NOBOX: variants seen among roughly 807,000 people sequenced by gnomAD.
NOBOX encodes NOBOX oogenesis homeobox.
Under a neutral mutation model 60.2 loss-of-function variants are expected in NOBOX, and 46 were observed. The observed-to-expected ratio is 0.76, with a 90% confidence interval of 0.60 to 0.98. The LOEUF is 0.98. NOBOX is among the 50% of genes least tolerant of loss of function. NOBOX has a pLI of 0.00. For missense variants in NOBOX, 880 were observed against 865.5 expected (o/e 1.02, Z -0.21); for synonymous variants, 360 against 346.3 (o/e 1.04, Z -0.44).
At position 144,399,083 on chromosome 7, in the gene NOBOX, G is replaced by T; in HGVS notation, c.1336C>A (p.Pro446Thr). 3 of 1,217,754 alleles carry T rather than the reference G, an allele frequency of 2.5e-6. No homozygotes were observed. Among genetic ancestry groups the T allele is most frequent in the Non-Finnish European group, 3.6e-6 (3 of 821,986 alleles). The allele number at this position is 1,217,754 out of a possible 1,614,324, so 75.4% of individuals were successfully genotyped here. A position where few individuals can be genotyped will look rare whatever the true frequency, so the allele number is the denominator to read the frequency against. ...GGAAGATCGGCCCTTCGCACAGGTG[G>T]GGGGCTGAAGAGTGGGGGGGTCACC... is the stretch of plus-strand genomic sequence containing the variant. Residue 446 changes from proline (P) to threonine (T), a missense_variant, in exon 8 of 10, where the codon CCA becomes ACA. Coordinates refer to ENST00000467773, the MANE Select transcript of NOBOX (RefSeq NM_001080413.3).
chr7:144,403,812 C>T, intron 2 of NOBOX, 119 bp from the exon 1 acceptor site: 1 of 421,674 alleles, frequency 2.4e-6, no homozygotes, highest in Non-Finnish European at 4.2e-6. Context: ...GAGCCGTAGC[C>T]CGAGGCTGCG....
chr7:144,406,692 T>C (rs1322763465), intron 1 of NOBOX, among the ~76,000 whole-genome samples: 1 of 152,252 alleles, frequency 6.6e-6, no homozygotes, highest in South Asian at 2.1e-4. Context: ...TTATCTAAGA[T>C]GTACATTGCA....
At position 144,402,748 on chromosome 7, in the gene NOBOX, A is replaced by ATTT. The variant is rs1218483822; in HGVS notation, c.211-801_211-799dup. Among the ~76,000 whole-genome samples, 174 of 93,422 alleles carry ATTT rather than the reference A, an allele frequency of 1.9e-3. 15 individuals carry two copies. Among genetic ancestry groups the ATTT allele is most frequent in the African/African-American group, 3.6e-3 (81 of 22,558 alleles). The allele number at this position is 93,422 out of a possible 152,430, so 61.3% of individuals were successfully genotyped here. On this transcript the variant is annotated intron_variant, in intron 2 of 9. Coordinates refer to ENST00000467773, the MANE Select transcript of NOBOX (RefSeq NM_001080413.3). ...CATGAGATAGGTCTTAAGGAATAAC[A>ATTT]TTTTTTTTTTTTTTTTTTTTTTTTT...
rs750447943 is a variant in NOBOX at position 144,400,142 on chromosome 7, C to T, written c.1015G>A (p.Glu339Lys). The stretch of plus-strand genomic sequence containing the variant: ...ACCGCTGAGCGCTCACTCTGCAATT[C>T]GAGTGTTTCAATGGTGGGCCCTCCG... The change falls in exon 5 of 10, where the codon GAA becomes AAA. Residue 339 changes from glutamate to lysine, a missense_variant. By Grantham distance (56) the Glu-to-Lys change is moderately conservative. Coordinates refer to ENST00000467773, the MANE Select transcript of NOBOX (RefSeq NM_001080413.3). The T allele has an allele frequency of 1.3e-5, 21 of 1,613,630 alleles. No homozygotes were observed. The highest frequency in any genetic ancestry group is 1.7e-5 in the Non-Finnish European group (20 of 1,179,904).
At position 144,399,089 on chromosome 7, in the gene NOBOX, T is replaced by A. The variant is rs1587089396; in HGVS notation, c.1330A>T (p.Ser444Cys). 5.8e-6 allele frequency: 5 copies of A among 864,720 alleles called. No homozygotes were observed. Among genetic ancestry groups the A allele is most frequent in the South Asian group, 3.0e-5 (2 of 67,126 alleles). 53.6% of individuals were successfully genotyped at this position (864,720 alleles called of 1,614,324 possible). A position where few individuals can be genotyped will look rare whatever the true frequency, so the allele number is the denominator to read the frequency against. ...TCGGCCCTTCGCACAGGTGGGGGGC[T>A]GAAGAGTGGGGGGGTCACCACCCTC... Residue 444 changes from serine to cysteine, a missense_variant, in exon 8 of 10, where the codon AGC (serine) becomes TGC (cysteine). Transcript: ENST00000467773.
At position 144,399,065 on chromosome 7, in the gene NOBOX, C is replaced by T. The variant is rs112190116; in HGVS notation, c.1354G>A (p.Asp452Asn). Residue 452 changes from aspartate (D) to asparagine (N), a missense_variant, in exon 8 of 10, where the codon GAT (aspartate) becomes AAT (asparagine). By Grantham distance (23) the Asp-to-Asn change is conservative (BLOSUM62 1). Coordinates refer to ENST00000467773, the MANE Select transcript of NOBOX (RefSeq NM_001080413.3). The stretch of plus-strand genomic sequence containing the variant: ...ACAGGGCCAAGGGGGAAAGGAAGAT[C>T]GGCCCTTCGCACAGGTGGGGGGCTG... 16,906 of 1,527,154 alleles carry T rather than the reference C, an allele frequency of 0.011. 120 individuals are homozygous for T. Among genetic ancestry groups the T allele is most frequent in the Non-Finnish European group, 0.012 (13,538 of 1,104,524 alleles). 94.6% of individuals were successfully genotyped at this position (1,527,154 alleles called of 1,614,324 possible).
intron 9 of NOBOX, 67 bp downstream of exon 7, chr7:144,398,215 C>T: frequency 7.1e-7 from 1 of 1,412,138 alleles, no homozygotes; most frequent in Non-Finnish European, 9.7e-7. Flanking sequence ...CTCCAGATAA[C>T]TTGGCTCTTT....
At chr7:144,400,975 T>C (rs1563128783) in intron 4 of NOBOX, 71 bp downstream of exon 2, 12 of 1,325,828 alleles carry the variant, frequency 9.1e-6, no homozygotes, top group Non-Finnish European at 1.2e-5. Flanking sequence ...TGGGGGTAGA[T>C]TCTTCACACA....
rs760675411 is a variant in NOBOX, at chr7:144,401,187, A to G, written c.703T>C (p.Cys235Arg). ...TGGCAGGGCCCCCGGCCTGACCCACAGGGCACTGGGTTGTGTGTGGCACGG... is the reference window on the plus strand; with the variant it reads ...TGGCAGGGCCCCCGGCCTGACCCACGGGGCACTGGGTTGTGTGTGGCACGG... The change falls in exon 4 of 10, where the codon TGT becomes CGT. Residue 235 changes from cysteine (C) to arginine (R), a missense_variant. Cys to Arg is a radical substitution (Grantham distance 180, BLOSUM62 -3). Transcript: ENST00000467773. This position sits in a 1 kb window ranked among gnomAD's most constrained non-coding sequence, Gnocchi z 4.2. 3.7e-6 allele frequency: 6 copies of G among 1,613,488 alleles called. No individual in the cohort carries two copies. The East Asian group carries it at 1.3e-4, about 36-fold the overall frequency.
chr7:144,404,782 G>A, intron 1 of NOBOX: 1 of 1,291,306 alleles, frequency 7.7e-7, no homozygotes, highest in Non-Finnish European at 1.1e-6. Context: ...TCACAGGGGT[G>A]CAGCCTTATG....
chr7:144,404,719 T>C, intron 1 of NOBOX: 1 of 1,606,230 alleles, frequency 6.2e-7, no homozygotes, highest in Non-Finnish European at 8.5e-7. Flanking sequence ...TCCATCCATT[T>C]GGTGTTTCGA....
chr7:144,402,267 C>T (rs142865737), intron 2 of NOBOX, among the ~76,000 whole-genome samples: 39 of 147,380 alleles, frequency 2.6e-4, no homozygotes, highest in Non-Finnish European at 4.9e-4. Context: ...ACCTCTCTTT[C>T]GAGTAAGGAA....
Position 144,399,797 on chromosome 7 carries a change from C to G in NOBOX, c.1114G>C (p.Asp372His), listed in dbSNP as rs576576562. 8.7e-6 allele frequency: 14 copies of G among 1,612,980 alleles called. No individual in the cohort carries two copies. The African/African-American group carries it at 1.7e-4, about 20-fold the overall frequency. Reference sequence around the variant, plus strand: ...GCAGGGCCAGGGGCTGCAGGATTGTCCTTGCTTTCTTTCCCATTCAGTTTC... The same window carrying G: ...GCAGGGCCAGGGGCTGCAGGATTGTGCTTGCTTTCTTTCCCATTCAGTTTC... Residue 372 changes from aspartate to histidine, a missense_variant, in exon 6 of 10, where the codon GAC becomes CAC. Transcript: ENST00000467773.
Position 144,398,378 on chromosome 7 carries a change from TAA to T in NOBOX, c.1676_1677del (p.Phe559TyrfsTer39), listed in dbSNP as rs1175292436. On this transcript the variant is annotated frameshift_variant, in exon 9 of 10. Coordinates refer to ENST00000467773, the MANE Select transcript of NOBOX (RefSeq NM_001080413.3). LOFTEE classifies it high-confidence loss of function. ...CCCCCGCTGGGGCCACAGGGAAACATAAAGAGAGAGTCTTCGGGCGGTGGAAG... is the reference window on the plus strand; with the variant it reads ...CCCCCGCTGGGGCCACAGGGAAACATAGAGAGAGTCTTCGGGCGGTGGAAG... The T allele has an allele frequency of 2.0e-6, 3 of 1,536,952 alleles. No homozygotes were observed. The highest frequency in any genetic ancestry group is 1.4e-5 in the African/African-American group (1 of 72,998).
At chr7:144,400,380 G>T in intron 4 of NOBOX, 68 bp from the exon 3 acceptor site, 1 of 1,418,526 alleles carries the variant, frequency 7.0e-7, no homozygotes, top group Non-Finnish European at 9.9e-7. Flanking sequence ...AGAAAGAGAG[G>T]TGCTCACCAA....
intron 1 of NOBOX, among the ~76,000 whole-genome samples, chr7:144,407,713 G>T (rs1182534671): frequency 6.6e-6 from 1 of 152,250 alleles, no homozygotes; most frequent in African/African-American, 2.4e-5. Flanking sequence ...ATGGTTTCAG[G>T]TTGCCTGTGA....
Position 144,399,769 on chromosome 7 carries a change from C to A in NOBOX, c.1142G>T (p.Ser381Ile). 6.2e-7 allele frequency: 1 copy of A among 1,611,228 alleles called. No homozygotes were observed. Among genetic ancestry groups the A allele is most frequent in the Middle Eastern group, 1.7e-4 (1 of 6,060 alleles). The change falls in exon 6 of 10, where the codon AGC (serine) becomes ATC (isoleucine). Residue 381 changes from serine (S) to isoleucine (I), a missense_variant. Coordinates refer to ENST00000467773, the MANE Select transcript of NOBOX (RefSeq NM_001080413.3). ...GAAGAATTCTGACCTGCATTGACTGCTGGCAGGGCCAGGGGCTGCAGGATT... is the reference window on the plus strand; with the variant it reads ...GAAGAATTCTGACCTGCATTGACTGATGGCAGGGCCAGGGGCTGCAGGATT...
chr7:144,409,968 C>G (rs1176262458), intron 1 of NOBOX, among the ~76,000 whole-genome samples: 1 of 152,202 alleles, frequency 6.6e-6, no homozygotes, highest in Non-Finnish European at 1.5e-5. Context: ...TATCTTGGGT[C>G]TGTACCAGTT....
intron 7 of NOBOX, 22 bp from the exon 6 acceptor site, chr7:144,399,200 G>A: frequency 1.6e-6 from 2 of 1,217,156 alleles, no homozygotes; most frequent in Non-Finnish European, 2.4e-6. Context: ...AGGCAAAGAG[G>A]TGCTATAACG....
Sources: gnomAD v4.1 joint callset for allele counts (sites outside exome capture counted in the v4.1 genomes callset) on GRCh38, gnomAD v4.1.1 for gene constraint, Gnocchi (gnomAD v3.1) non-coding constraint, MANE v1.5 for transcripts, NCBI Gene and HGNC (gene_info 2026-07-23, HGNC 2026-07-21) for gene names.